Variants in SVIL observed in about 807,000 individuals in gnomAD.
SVIL encodes supervillin.
In SVIL, 101 loss-of-function variants were observed where a neutral mutation model predicts 240.4. The observed-to-expected ratio is 0.42, with a 90% CI of 0.36 to 0.50. SVIL has a LOEUF of 0.50. Ranked by LOEUF, SVIL falls within the 20% of genes least tolerant of loss-of-function variation. The pLI, the probability that SVIL is intolerant of heterozygous loss-of-function variation, is 0.01. For synonymous variants in SVIL, 999 were observed against 1,100.0 expected, an observed-to-expected ratio of 0.91 and a Z score of 1.82; for missense variants, 2,512 against 2,818.7, an observed-to-expected ratio of 0.89 and a Z score of 2.46.
At chr10:29,630,193 C>T (rs183899971) in intron 1 of SVIL, among the ~76,000 whole-genome samples, 37 of 152,210 alleles carry the variant, frequency 2.4e-4, no homozygotes, top group African/African-American at 7.0e-4. Flanking sequence ...AGGACCCACC[C>T]GGAGCTCTGC....
At chr10:29,544,081 G>C (rs1646738127) in intron 6 of SVIL, among the ~76,000 whole-genome samples, 1 of 152,286 alleles carries the variant, frequency 6.6e-6, no homozygotes, top group African/African-American at 2.4e-5. Context: ...ATAATGATCA[G>C]CTTTAACTCC....
At chr10:29,663,966 T>C (rs1959187473) in intron 2 of SVIL, among the ~76,000 whole-genome samples, 1 of 152,158 alleles carries the variant, frequency 6.6e-6, no homozygotes, top group Non-Finnish European at 1.5e-5. Context: ...CCTGGTGAGA[T>C]CCAGAAACTC....
intron 1 of SVIL, among the ~76,000 whole-genome samples, chr10:29,584,300 C>T (rs528162800): frequency 6.6e-6 from 1 of 152,176 alleles, no homozygotes; most frequent in Non-Finnish European, 1.5e-5. Flanking sequence ...TGAGAATGGC[C>T]CTGTATGGCA....
intron 1 of SVIL, among the ~76,000 whole-genome samples, chr10:29,603,295 T>C (rs960968855): frequency 3.9e-5 from 6 of 151,942 alleles, no homozygotes; most frequent in Admixed American, 2.0e-4. Context: ...CTTTCTTCTT[T>C]ATAAAGAAGA....
Position 29,463,569 on chromosome 10 carries a change from T to G in SVIL, c.6200A>C (p.Lys2067Thr), listed in dbSNP as rs150671744. Residue 2067 changes from lysine to threonine, a missense_variant, in exon 35 of 38, where the codon AAG becomes ACG. By Grantham distance (78) the Lys-to-Thr change is moderately conservative. Coordinates refer to ENST00000355867, the MANE Select transcript of SVIL (RefSeq NM_021738.3). ...LWQGWWPIEN[K>T]ITGSARIRWA... Reference sequence around the variant, plus strand: ...GCGGATGCGGGCGGAACCAGTGATCTTGTTCTCGATGGGCCACCAGCCTTG... The same window carrying G: ...GCGGATGCGGGCGGAACCAGTGATCGTGTTCTCGATGGGCCACCAGCCTTG... 5.9e-4 allele frequency: 955 copies of G among 1,614,144 alleles called. 1 individual carries two copies. Among genetic ancestry groups the G allele is most frequent in the Non-Finnish European group, 7.3e-4 (864 of 1,180,026 alleles).
At chr10:29,496,958 C>T (rs932278667) in intron 18 of SVIL, among the ~76,000 whole-genome samples, 5 of 152,198 alleles carry the variant, frequency 3.3e-5, no homozygotes, top group Non-Finnish European at 7.3e-5. Flanking sequence ...CTGCACCTAA[C>T]GACGTGCTTC....
In SVIL at chr10:29,527,049, T is replaced by C; in HGVS notation, c.2254A>G (p.Ile752Val). ...GTGCCCCCAGAACACGAAGCGGGGA[T>C]AGGTTCACTTTAAAAGCAATTGCCA... ...EEVVIAATEPIPASCSGGTHP... is the reference protein window; with the variant it reads ...EEVVIAATEPVPASCSGGTHP... The change falls in exon 13 of 38, where the codon ATC becomes GTC. Residue 752 changes from isoleucine to valine, a missense_variant. Coordinates refer to ENST00000355867, the MANE Select transcript of SVIL (RefSeq NM_021738.3). 1 of 1,613,798 alleles carries C rather than the reference T, an allele frequency of 6.2e-7. No individual in the cohort carries two copies. Among genetic ancestry groups the C allele is most frequent in the South Asian group, 1.1e-5 (1 of 90,986 alleles).
intron 2 of SVIL, among the ~76,000 whole-genome samples, chr10:29,567,552 T>C (rs1338159003): frequency 6.6e-6 from 1 of 152,224 alleles, no homozygotes; most frequent in East Asian, 1.9e-4. Flanking sequence ...TGACATAATG[T>C]CCATGATTTG....
intron 17 of SVIL, among the ~76,000 whole-genome samples, chr10:29,509,267 A>AGG (rs1024536828): frequency 1.3e-5 from 2 of 148,222 alleles, no homozygotes; most frequent in African/African-American, 4.9e-5. Context: ...AAAGATAATA[A>AGG]GGGCAGCAAG....
intron 37 of SVIL, 21 bp downstream of exon 37, chr10:29,458,411 ACC>A (rs1943813514): frequency 6.3e-7 from 1 of 1,594,874 alleles, no homozygotes; most frequent in Non-Finnish European, 8.6e-7. Context: ...TCCCATCCCC[ACC>A]CCACCGGAAG....
chr10:29,506,324 G>T (rs537884115), intron 17 of SVIL, among the ~76,000 whole-genome samples: 16 of 152,230 alleles, frequency 1.1e-4, no homozygotes, highest in African/African-American at 3.9e-4. Context: ...GACACTGGCT[G>T]GGTACGTGGG....
chr10:29,577,178 T>G (rs1049294960), intron 1 of SVIL, among the ~76,000 whole-genome samples: 1 of 152,080 alleles, frequency 6.6e-6, no homozygotes, highest in African/African-American at 2.4e-5. Context: ...CGCACCTGAC[T>G]GCAAATGATT....
intron 16 of SVIL, 58 bp from the exon 17 acceptor site, chr10:29,512,919 G>C: frequency 1.3e-6 from 2 of 1,580,610 alleles, no homozygotes; most frequent in South Asian, 2.3e-5. Context: ...CCTTGTGATG[G>C]AACCATAATC....
At chr10:29,708,040 G>A (rs892861143) in intron 1 of SVIL, among the ~76,000 whole-genome samples, 1 of 147,882 alleles carries the variant, frequency 6.8e-6, no homozygotes, top group African/African-American at 2.5e-5. Flanking sequence ...GGTGGATCAC[G>A]AGGTCAGGAG....
At position 29,495,215 on chromosome 10, in the gene SVIL, C is replaced by T. The variant is rs1191148773; in HGVS notation, c.3665-34G>A. 8.7e-6 allele frequency: 11 copies of T among 1,271,012 alleles called. No individual in the cohort carries two copies. In the Admixed American group the frequency reaches 1.4e-4, roughly 16 times the overall value. 78.7% of individuals were successfully genotyped at this position (1,271,012 alleles called of 1,614,324 possible). A position where few individuals can be genotyped will look rare whatever the true frequency, so the allele number is the denominator to read the frequency against. On this transcript the variant is annotated intron_variant, in intron 18 of 37. Coordinates refer to ENST00000355867, the MANE Select transcript of SVIL (RefSeq NM_021738.3). ...CACACAGACGAGCTACTGAGCATCTCAGGGTCACTTCTGGAAATCTCCGGG... is the reference window on the plus strand; with the variant it reads ...CACACAGACGAGCTACTGAGCATCTTAGGGTCACTTCTGGAAATCTCCGGG...
At chr10:29,519,828 A>G (rs1311770602) in intron 16 of SVIL, among the ~76,000 whole-genome samples, 1 of 152,206 alleles carries the variant, frequency 6.6e-6, no homozygotes, top group Non-Finnish European at 1.5e-5. Context: ...GGAGACCATG[A>G]TAAGTTATGG....
chr10:29,616,016 C>T (rs1226739198), intron 1 of SVIL, among the ~76,000 whole-genome samples: 1 of 152,184 alleles, frequency 6.6e-6, no homozygotes, highest in East Asian at 1.9e-4. Context: ...TACAGATGAC[C>T]AAATTTAGTT....
Position 29,667,132 on chromosome 10 carries a change from C to A in SVIL, c.-300-9064G>T, listed in dbSNP as rs926017898. ...TACCTTATGAACCAGCAACTCCACA[C>A]CCTATGTATTTACTCAAGAAAAAGT... On this transcript the variant is annotated intron_variant, in intron 2 of 35. Coordinates refer to the SVIL transcript ENST00000375400. 2.6e-5 allele frequency among the ~76,000 whole-genome samples: 4 copies of A among 152,036 alleles called. No homozygotes were observed. The East Asian group carries it at 7.7e-4, about 29-fold the overall frequency.
intron 18 of SVIL, among the ~76,000 whole-genome samples, chr10:29,495,684 G>C (rs1330608051): frequency 6.6e-6 from 1 of 152,212 alleles, no homozygotes; most frequent in Non-Finnish European, 1.5e-5. Flanking sequence ...AGAAATTACA[G>C]ACCAGGGCAG....
Sources: gnomAD v4.1 joint callset for allele counts (sites outside exome capture counted in the v4.1 genomes callset) on GRCh38, gnomAD v4.1.1 for gene constraint, MANE v1.5 for transcripts, NCBI Gene and HGNC (gene_info 2026-07-23, HGNC 2026-07-21) for gene names.